The following ASTN2 variants were observed in gnomAD, a reference collection of about 807,000 sequenced individuals.
ASTN2 encodes the protein astrotactin 2, also known as astrotactin-2.
Under a neutral mutation model 139.8 loss-of-function variants are expected in ASTN2, and 54 were observed. The observed-to-expected ratio is 0.39, with a 90% confidence interval of 0.31 to 0.48. The LOEUF is 0.48. ASTN2 is among the 20% of genes least tolerant of loss of function. The pLI is 0.95. For synonymous variants in ASTN2, 756 were observed against 719.5 expected, an observed-to-expected ratio of 1.05 and a Z score of -0.81; for missense variants, 1,565 against 1,725.1, an observed-to-expected ratio of 0.91 and a Z score of 1.64.
chr9:116,700,013 C>CATGT (rs535411189), intron 16 of ASTN2: 15 of 421,218 alleles, frequency 3.6e-5, no homozygotes, highest in Non-Finnish European at 6.6e-5. Context: ...CCCTTTGTGC[C>CATGT]ATGTTTGAAA....
chr9:116,438,418 T>C (rs1847725253), intron 22 of ASTN2, among the ~76,000 whole-genome samples: 1 of 152,198 alleles, frequency 6.6e-6, no homozygotes, highest in African/African-American at 2.4e-5. Context: ...CTCCCCCTTC[T>C]TATCTCTTAC....
At position 116,699,939 on chromosome 9, in the gene ASTN2, T is replaced by C; in HGVS notation, c.2806+25832A>G. 1.6e-6 allele frequency: 1 copy of C among 622,508 alleles called. No homozygotes were observed. The highest frequency in any genetic ancestry group is 2.8e-6 in the Non-Finnish European group (1 of 352,574). The allele number at this position is 622,508 out of a possible 1,614,324, so 38.6% of individuals were successfully genotyped here. ...ACTGCCCAAATAGGACACACGATGG[T>C]GTTAGCTGAAGTTTGATTAGCAATT... On this transcript the variant is annotated intron_variant, in intron 16 of 22. Coordinates refer to ENST00000313400, the MANE Select transcript of ASTN2 (RefSeq NM_001365068.1). The surrounding 1 kb of genome is among the most constrained non-coding windows in gnomAD (Gnocchi z 4.2).
chr9:117,269,301 A>G (rs2133121933), intron 2 of ASTN2, among the ~76,000 whole-genome samples: 1 of 152,348 alleles, frequency 6.6e-6, no homozygotes, highest in South Asian at 2.1e-4. Flanking sequence ...TGGCAGCATC[A>G]TTAGCATAAC....
chr9:116,938,785 A>G (rs547713601), intron 10 of ASTN2, among the ~76,000 whole-genome samples: 28 of 152,316 alleles, frequency 1.8e-4, no homozygotes, highest in African/African-American at 6.7e-4. Flanking sequence ...GCATAATTCC[A>G]AAAGAGAATT....
At chr9:116,595,582 C>T (rs1429806251) in intron 19 of ASTN2, among the ~76,000 whole-genome samples, 1 of 152,154 alleles carries the variant, frequency 6.6e-6, no homozygotes, top group Non-Finnish European at 1.5e-5. Context: ...ACCTCAACCT[C>T]CCAAAGTGCT....
At chr9:116,561,835 T>C (rs1416749389) in intron 19 of ASTN2, among the ~76,000 whole-genome samples, 1 of 152,250 alleles carries the variant, frequency 6.6e-6, no homozygotes, top group African/African-American at 2.4e-5. Flanking sequence ...CATGTCTTTG[T>C]CCTCCACTGG....
At chr9:117,074,349 C>T (rs1261804694) in intron 5 of ASTN2, among the ~76,000 whole-genome samples, 2 of 152,088 alleles carry the variant, frequency 1.3e-5, no homozygotes, top group African/African-American at 2.4e-5. Flanking sequence ...AACATGCCAC[C>T]ACAGTGACAT....
At chr9:116,958,806 C>T (rs766273635) in intron 10 of ASTN2, among the ~76,000 whole-genome samples, 8 of 151,610 alleles carry the variant, frequency 5.3e-5, no homozygotes, top group East Asian at 1.9e-4. Context: ...GCAGAGAGTA[C>T]GATATAGGAT....
chr9:116,791,577 A>G (rs1016554572), intron 13 of ASTN2, among the ~76,000 whole-genome samples: 6 of 152,344 alleles, frequency 3.9e-5, no homozygotes, highest in African/African-American at 1.4e-4. Flanking sequence ...GCCTGGAGTC[A>G]CTTTGGAAGC....
rs1468209645 is a variant in ASTN2, at chr9:117,322,203, G to A, written c.443-30690C>T. 2.0e-5 allele frequency among the ~76,000 whole-genome samples: 3 copies of A among 152,052 alleles called. No homozygotes were observed. In the East Asian group the frequency reaches 5.8e-4, roughly 29 times the overall value. ...CCCCTCCTCTGTTTGACAGCAAGTTGTACTCCCCCTTATCACATTATGGTT... is the reference window on the plus strand; with the variant it reads ...CCCCTCCTCTGTTTGACAGCAAGTTATACTCCCCCTTATCACATTATGGTT... On this transcript the variant is annotated intron_variant, in intron 1 of 22. Transcript: ENST00000313400.
At chr9:116,538,537 C>T (rs1294591705) in intron 19 of ASTN2, among the ~76,000 whole-genome samples, 10 of 152,226 alleles carry the variant, frequency 6.6e-5, no homozygotes, top group East Asian at 3.9e-4. Flanking sequence ...TTGTGGTGTT[C>T]GACTTGTGAA....
intron 3 of ASTN2, among the ~76,000 whole-genome samples, chr9:117,166,749 C>T (rs1830678844): frequency 6.6e-6 from 1 of 152,028 alleles, no homozygotes; most frequent in African/African-American, 2.4e-5. Flanking sequence ...TCTAATTATT[C>T]CCTCATAACA....
intron 3 of ASTN2, among the ~76,000 whole-genome samples, chr9:117,145,674 T>G (rs1588013972): frequency 6.6e-6 from 1 of 152,124 alleles, no homozygotes. Context: ...CTTGTCCTGG[T>G]ACCTTGAAAT....
chr9:117,268,960 G>A (rs771729033), intron 2 of ASTN2, among the ~76,000 whole-genome samples: 4 of 152,144 alleles, frequency 2.6e-5, no homozygotes, highest in South Asian at 2.1e-4. Flanking sequence ...TTCCTTACCC[G>A]TAAAATAGCA....
chr9:116,693,330 A>T (rs1860669754), intron 16 of ASTN2, among the ~76,000 whole-genome samples: 1 of 152,166 alleles, frequency 6.6e-6, no homozygotes, highest in South Asian at 2.1e-4. Flanking sequence ...GTCCTATATA[A>T]CTTTAAGGTT....
intron 13 of ASTN2, among the ~76,000 whole-genome samples, chr9:116,800,331 C>T (rs114738414): frequency 0.015 from 2,224 of 152,230 alleles, 57 homozygotes; most frequent in African/African-American, 0.05. Context: ...TGCCTCTGCT[C>T]GGTCTGACTG....
chr9:117,104,152 T>C (rs549435603), intron 4 of ASTN2, among the ~76,000 whole-genome samples: 4 of 152,366 alleles, frequency 2.6e-5, no homozygotes, highest in South Asian at 4.1e-4. Context: ...TTGGGATTCA[T>C]GCTGAATTTT....
intron 1 of ASTN2, among the ~76,000 whole-genome samples, chr9:117,412,008 C>T (rs1588023972): frequency 5.7e-5 from 2 of 35,168 alleles, no homozygotes; most frequent in Non-Finnish European, 1.5e-4. Context: ...CCTCACCCCT[C>T]CCCCCCCCAA....
At chr9:116,575,436 G>T (rs1853686421) in intron 19 of ASTN2, among the ~76,000 whole-genome samples, 1 of 152,112 alleles carries the variant, frequency 6.6e-6, no homozygotes, top group African/African-American at 2.4e-5. Context: ...TGAGAAGTGA[G>T]GCTGGGGAGA....
Sources: gnomAD v4.1 joint callset for allele counts (sites outside exome capture counted in the v4.1 genomes callset) on GRCh38, gnomAD v4.1.1 for gene constraint, Gnocchi (gnomAD v3.1) non-coding constraint, MANE v1.5 for transcripts, NCBI Gene and HGNC (gene_info 2026-07-23, HGNC 2026-07-21) for gene names.